OPRM1: variants seen among roughly 807,000 people sequenced by gnomAD.
OPRM1 encodes mu-type opioid receptor.
OPRM1 carries 27 observed loss-of-function variants against 31.8 expected under a neutral mutation model. The ratio of observed to expected loss-of-function variants is 0.85; its 90% CI spans 0.63 to 1.17. OPRM1 has a LOEUF of 1.17. Among genes scored for constraint, OPRM1 ranks in the 50% most tolerant of loss-of-function variants. The probability of loss-of-function intolerance (pLI) is 0.00; values close to 1 mark genes in which losing one functional copy is unlikely to be tolerated. For missense variants in OPRM1, 536 were observed against 511.1 expected (o/e 1.05, Z -0.47); for synonymous variants, 196 against 189.9 (o/e 1.03, Z -0.26).
intron 3 of OPRM1, among the ~76,000 whole-genome samples, chr6:154,185,068 G>A (rs1801217575): frequency 6.6e-6 from 1 of 152,160 alleles, no homozygotes; most frequent in South Asian, 2.1e-4. Context: ...TACATGGCAT[G>A]ACTAGCTAGT....
At chr6:154,152,772 C>T (rs1257794652) in intron 3 of OPRM1, among the ~76,000 whole-genome samples, 1 of 152,140 alleles carries the variant, frequency 6.6e-6, no homozygotes, top group Admixed American at 6.5e-5. Flanking sequence ...TTCTGTCACC[C>T]AGACTGCAAT....
intron 3 of OPRM1, chr6:154,091,965 G>T (rs1057371271): frequency 1.0e-6 from 1 of 985,556 alleles, no homozygotes; most frequent in African/African-American, 1.7e-5. Flanking sequence ...CATGGAAAAG[G>T]AGAAAAGATT....
intron 3 of OPRM1, among the ~76,000 whole-genome samples, chr6:154,104,472 C>T (rs1164330987): frequency 6.6e-6 from 1 of 152,192 alleles, no homozygotes; most frequent in Admixed American, 6.5e-5. Flanking sequence ...TTAGAATACT[C>T]ATTTAGATTT....
chr6:154,043,537 GTA>G (rs150929749), intron 1 of OPRM1, among the ~76,000 whole-genome samples: 4,735 of 135,708 alleles, frequency 0.035, 193 homozygotes, highest in African/African-American at 0.14. Flanking sequence ...GTGTGTGTGT[GTA>G]TATATATATA....
At chr6:154,239,080 C>T (rs1583878782) in intron 3 of OPRM1, among the ~76,000 whole-genome samples, 1 of 152,226 alleles carries the variant, frequency 6.6e-6, no homozygotes, top group East Asian at 1.9e-4. Context: ...GGCATTCACT[C>T]TGGCAATGCC....
intron 3 of OPRM1, among the ~76,000 whole-genome samples, chr6:154,190,402 A>C (rs2128579926): frequency 6.6e-6 from 1 of 152,352 alleles, no homozygotes; most frequent in East Asian, 1.9e-4. Flanking sequence ...AAAAAAGCGT[A>C]TGAAAAGATG....
Position 154,091,324 on chromosome 6 carries a change from C to A in OPRM1, c.1016C>A (p.Ala339Glu). The A allele has an allele frequency of 6.2e-7, 1 of 1,614,198 alleles. No individual in the cohort carries two copies. Among genetic ancestry groups the A allele is most frequent in the Non-Finnish European group, 8.5e-7 (1 of 1,180,032 alleles). ...AGCTGCCTCAACCCAGTCCTTTATG[C>A]ATTTCTGGATGAAAACTTCAAACGA... ...TNSCLNPVLY[A>E]FLDENFKRCF... is the part of the protein sequence containing the mutation. Residue 339 changes from alanine to glutamate, a missense_variant, in exon 3 of 4, where the codon GCA becomes GAA. Ala to Glu is a moderately radical substitution (Grantham distance 107). Transcript: ENST00000330432.
intron 1 of OPRM1, among the ~76,000 whole-genome samples, chr6:154,027,400 C>A (rs972793116): frequency 1.3e-5 from 2 of 152,204 alleles, no homozygotes; most frequent in Admixed American, 6.5e-5. Context: ...GAGACCACCA[C>A]TACTAGGACT....
intron 3 of OPRM1, among the ~76,000 whole-genome samples, chr6:154,138,644 T>C (rs1157818235): frequency 6.6e-6 from 1 of 152,168 alleles, no homozygotes; most frequent in Non-Finnish European, 1.5e-5. Context: ...CTCCAAGGGG[T>C]CCTGTTAATT....
At chr6:154,064,723 C>G (rs1319446518) in intron 1 of OPRM1, among the ~76,000 whole-genome samples, 1 of 152,122 alleles carries the variant, frequency 6.6e-6, no homozygotes, top group Non-Finnish European at 1.5e-5. Context: ...CCAATTTTCC[C>G]AACACCATTT....
At position 154,129,631 on chromosome 6, in the gene OPRM1, T is replaced by C. The variant is rs913300718; in HGVS notation, c.*10910T>C. 2.0e-5 allele frequency among the ~76,000 whole-genome samples: 3 copies of C among 152,164 alleles called. No individual in the cohort carries two copies. Among genetic ancestry groups the C allele is most frequent in the African/African-American group, 4.8e-5 (2 of 41,448 alleles). ...GTGTATTTTAGTTCTCATAAGAACATCTACATTCATTTGAAAAATAGTTCT... is the reference window on the plus strand; with the variant it reads ...GTGTATTTTAGTTCTCATAAGAACACCTACATTCATTTGAAAAATAGTTCT... On this transcript the variant is annotated 3_prime_UTR_variant, in exon 4 of 4. Coordinates refer to ENST00000330432, the MANE Select transcript of OPRM1 (RefSeq NM_000914.5).
chr6:154,125,523 C>G lies in OPRM1; in HGVS notation c.*6802C>G, dbSNP rs1387521249. ...TGTTTTAGGTTTTAGAGAGAGAGCA[C>G]AGAGTCCCTTTGAGACAGTGGGGAA... On this transcript the variant is annotated 3_prime_UTR_variant, in exon 4 of 4. Coordinates refer to ENST00000330432, the MANE Select transcript of OPRM1 (RefSeq NM_000914.5). Among the ~76,000 whole-genome samples the G allele has an allele frequency of 6.6e-6, 1 of 152,126 alleles. No individual in the cohort carries two copies. Among genetic ancestry groups the G allele is most frequent in the African/African-American group, 2.4e-5 (1 of 41,422 alleles).
chr6:154,146,103 TAAAG>T (rs1798351012), intron 3 of OPRM1, among the ~76,000 whole-genome samples: 1 of 152,114 alleles, frequency 6.6e-6, no homozygotes, highest in Non-Finnish European at 1.5e-5. Context: ...GATATTTAAG[TAAAG>T]AAAGAAAGTG....
chr6:154,091,035 T>A lies in OPRM1; in HGVS notation c.727T>A (p.Phe243Ile), dbSNP rs1792013579. ...GAAGATCTGTGTTTTCATCTTCGCC[T>A]TCATTATGCCAGTGCTCATCATTAC... ...LLKICVFIFA[F>I]IMPVLIITVC... Residue 243 changes from phenylalanine to isoleucine, a missense_variant, in exon 3 of 4, where the codon TTC (phenylalanine) becomes ATC (isoleucine). By Grantham distance (21) the Phe-to-Ile change is conservative. Transcript: ENST00000330432. 6.2e-7 allele frequency: 1 copy of A among 1,614,114 alleles called. No homozygotes were observed. The highest frequency in any genetic ancestry group is 1.3e-5 in the African/African-American group (1 of 74,936).
intron 1 of OPRM1, among the ~76,000 whole-genome samples, chr6:154,071,693 G>T (rs1323801340): frequency 2.0e-5 from 3 of 152,180 alleles, no homozygotes; most frequent in African/African-American, 7.2e-5. Flanking sequence ...TAAAGCAAGA[G>T]AAATCTGATG....
intron 1 of OPRM1, among the ~76,000 whole-genome samples, chr6:154,045,410 A>C (rs766453643): frequency 1.3e-5 from 2 of 152,192 alleles, no homozygotes. Context: ...CACTTATTTC[A>C]AGAACTTGGG....
upstream of OPRM1, among the ~76,000 whole-genome samples, chr6:154,035,762 C>T (rs774341174): frequency 2.0e-5 from 3 of 152,070 alleles, no homozygotes; most frequent in East Asian, 1.9e-4. Flanking sequence ...TGAATAAATA[C>T]GTTGCTTTGA....
chr6:154,043,167 G>A (rs557748), intron 1 of OPRM1, among the ~76,000 whole-genome samples: 28,812 of 152,056 alleles, frequency 0.19, 3,020 homozygotes, highest in Admixed American at 0.27. Context: ...TGTGGGCTGC[G>A]TAAACCATCC....
At chr6:154,146,332 G>C (rs183097340) in intron 3 of OPRM1, among the ~76,000 whole-genome samples, 6 of 152,304 alleles carry the variant, frequency 3.9e-5, no homozygotes, top group Middle Eastern at 3.4e-3. Context: ...CCTGGGAGTC[G>C]GAGGTTGCAG....
Sources: allele counts gnomAD v4.1 joint callset (sites outside exome capture counted in the v4.1 genomes callset), GRCh38; gene constraint gnomAD v4.1.1; transcripts MANE v1.5; gene names NCBI Gene and HGNC (gene_info 2026-07-23, HGNC 2026-07-21).